USP4: variants seen among roughly 807,000 people sequenced by gnomAD.
The protein encoded by USP4 is ubiquitin specific peptidase 4.
Under a neutral mutation model 118.2 loss-of-function variants are expected in USP4, and 72 were observed. The observed-to-expected ratio is 0.61, with a 90% CI of 0.50 to 0.74. USP4 has a LOEUF of 0.74. Ranked by LOEUF, USP4 falls within the 30% of genes least tolerant of loss-of-function variation. The probability of loss-of-function intolerance (pLI) is 0.00; values close to 1 mark genes in which losing one functional copy is unlikely to be tolerated. For synonymous variants in USP4, 415 were observed against 440.4 expected (o/e 0.94, Z 0.72); for missense variants, 1,037 against 1,185.7 (o/e 0.87, Z 1.84).
At chr3:49,316,927 C>CT (rs2047442626) in intron 6 of USP4, 1 of 616,750 alleles carries the variant, frequency 1.6e-6, no homozygotes, top group Non-Finnish European at 2.9e-6. Flanking sequence ...GTGCCCCGGG[C>CT]TTGTCACTGA....
At chr3:49,305,674 A>G (rs750578460) in intron 9 of USP4, 41 bp downstream of exon 9, 1 of 1,506,906 alleles carries the variant, frequency 6.6e-7, no homozygotes, top group Non-Finnish European at 8.9e-7. Flanking sequence ...AGGCATCTAT[A>G]TACAGGGATA....
chr3:49,329,911 G>A (rs1254628100), intron 2 of USP4, among the ~76,000 whole-genome samples: 6 of 152,004 alleles, frequency 3.9e-5, no homozygotes, highest in African/African-American at 9.7e-5. Flanking sequence ...AGGCTGAGGC[G>A]GGAGGATCAC....
chr3:49,278,741 A>T (rs1323044206), intron 21 of USP4, 73 bp downstream of exon 21: 4 of 1,202,520 alleles, frequency 3.3e-6, no homozygotes, highest in Non-Finnish European at 3.6e-6. Context: ...ATAACCAACT[A>T]GCCTGATAGA....
chr3:49,289,713 A>G (rs2047132268), intron 15 of USP4, among the ~76,000 whole-genome samples: 1 of 151,904 alleles, frequency 6.6e-6, no homozygotes, highest in Non-Finnish European at 1.5e-5. Flanking sequence ...TCTACTAAAA[A>G]TACAAAAATT....
At chr3:49,322,753 C>T (rs544269995) in intron 6 of USP4, among the ~76,000 whole-genome samples, 2 of 123,622 alleles carry the variant, frequency 1.6e-5, no homozygotes, top group African/African-American at 3.2e-5. Context: ...CCCAGCTGCT[C>T]GGGAGGCTGA....
chr3:49,330,229 C>G lies in USP4; in HGVS notation c.230-2413G>C, dbSNP rs577394225. 3.2e-4 allele frequency among the ~76,000 whole-genome samples: 49 copies of G among 152,246 alleles called. No homozygotes were observed. In the East Asian group the frequency reaches 3.5e-3, roughly 11 times the overall value. On this transcript the variant is annotated intron_variant, in intron 2 of 21. Transcript: ENST00000265560. ...AAAGTTGAAATTACTTCTTGACTCA[C>G]AGGCTGCAGAACGGATGTTTTTAGT...
At chr3:49,309,249 A>C (rs1466230245) in intron 8 of USP4, among the ~76,000 whole-genome samples, 5 of 152,050 alleles carry the variant, frequency 3.3e-5, no homozygotes, top group African/African-American at 1.2e-4. Flanking sequence ...ACCAAAACTA[A>C]GGGTGGTCTT....
At chr3:49,287,651 T>G (rs1048702425) in intron 15 of USP4, among the ~76,000 whole-genome samples, 5 of 152,146 alleles carry the variant, frequency 3.3e-5, no homozygotes, top group African/African-American at 1.2e-4. Context: ...TTTTGTATTT[T>G]TAGTAGAGAC....
At position 49,325,848 on chromosome 3, in the gene USP4, A is replaced by C. The variant is rs1231780856; in HGVS notation, c.361-3T>G. 1 of 1,613,270 alleles carries C rather than the reference A, an allele frequency of 6.2e-7. No homozygotes were observed. Among genetic ancestry groups the C allele is most frequent in the Admixed American group, 1.7e-5 (1 of 60,000 alleles). On this transcript the variant is annotated splice_polypyrimidine_tract_variant and splice_region_variant and intron_variant, in intron 3 of 21. Transcript: ENST00000265560. ...ACAAACAGGCCATGCTCCACAACCT[A>C]TGAACAAGAGGCAGGGGTGAGGGCA...
intron 20 of USP4, among the ~76,000 whole-genome samples, chr3:49,280,167 G>A (rs2047003120): frequency 6.6e-6 from 1 of 152,034 alleles, no homozygotes; most frequent in African/African-American, 2.4e-5. Flanking sequence ...GCAGGCTGAG[G>A]CACGAGAATC....
chr3:49,329,486 G>A (rs1358257410), intron 2 of USP4, among the ~76,000 whole-genome samples: 1 of 152,022 alleles, frequency 6.6e-6, no homozygotes, highest in African/African-American at 2.4e-5. Context: ...CTGCAGCTTC[G>A]ACCTCCCAGA....
At chr3:49,323,570 A>G (rs1383579325) in intron 6 of USP4, among the ~76,000 whole-genome samples, 1 of 152,126 alleles carries the variant, frequency 6.6e-6, no homozygotes, top group African/African-American at 2.4e-5. Context: ...CAGCTATTTT[A>G]TTTATCTTGT....
In USP4 at chr3:49,300,507, A is replaced by ACCTC; in HGVS notation, c.1468_1471dup (p.Val491GlyfsTer8). 6.2e-7 allele frequency: 1 copy of ACCTC among 1,613,914 alleles called. No individual in the cohort carries two copies. Among genetic ancestry groups the ACCTC allele is most frequent in the Non-Finnish European group, 8.5e-7 (1 of 1,179,988 alleles). On this transcript the variant is annotated frameshift_variant, in exon 11 of 22. Coordinates refer to ENST00000265560, the MANE Select transcript of USP4 (RefSeq NM_003363.4). LOFTEE classifies it high-confidence loss of function. ...GTGAGGGTCAGCAGGAACCAGGAAA[A>ACCTC]CCTCCATAACTCGATCTTTCTTCAA...
intron 4 of USP4, 21 bp from the exon 5 acceptor site, chr3:49,325,060 C>T: frequency 6.2e-7 from 1 of 1,608,516 alleles, no homozygotes; most frequent in Non-Finnish European, 8.5e-7. Flanking sequence ...GCAGAAATAT[C>T]ACTTGGGGCT....
rs778948163 is a variant in USP4, at chr3:49,327,697, T to C, written c.349A>G (p.Ile117Val). ...WYGCVEGQQPIVRKVVEHGLF... is the reference protein window; with the variant it reads ...WYGCVEGQQPVVRKVVEHGLF... ...TTCACATAACTCACTTTTCTGACGA[T>C]GGGTTGCTGGCCTTCTACACAGCCG... is the stretch of plus-strand genomic sequence containing the variant. Residue 117 changes from isoleucine (I) to valine (V), a missense_variant, in exon 3 of 22, where the codon ATC becomes GTC. Ile to Val is a conservative substitution (Grantham distance 29). Transcript: ENST00000265560. 2.5e-6 allele frequency: 4 copies of C among 1,614,014 alleles called. No homozygotes were observed. The African/African-American group carries it at 4.0e-5, about 16-fold the overall frequency.
rs182482029 is a variant in USP4 at position 49,315,068 on chromosome 3, C to T, written c.696-3414G>A. Reference sequence around the variant, plus strand: ...ACCAAATTAAGGGCATATAAGGATACTTTTTATATGCTTGAAAATTAACAC... The same window carrying T: ...ACCAAATTAAGGGCATATAAGGATATTTTTTATATGCTTGAAAATTAACAC... On this transcript the variant is annotated intron_variant, in intron 6 of 21. Transcript: ENST00000265560. Among the ~76,000 whole-genome samples, 418 of 151,320 alleles carry T rather than the reference C, an allele frequency of 2.8e-3. 3 individuals are homozygous for T. Among genetic ancestry groups the T allele is most frequent in the African/African-American group, 9.4e-3 (387 of 41,264 alleles).
At chr3:49,310,509 A>AC (rs2047372361) in intron 8 of USP4, 111 bp downstream of exon 8, 1 of 899,526 alleles carries the variant, frequency 1.1e-6, no homozygotes, top group South Asian at 1.4e-5. Flanking sequence ...TGAAGCACCA[A>AC]CAAGGGGTAG....
chr3:49,289,440 G>C (rs1027748661), intron 15 of USP4, among the ~76,000 whole-genome samples: 1 of 152,200 alleles, frequency 6.6e-6, no homozygotes, highest in Non-Finnish European at 1.5e-5. Flanking sequence ...TTAGCTTCCA[G>C]AGTACCACAG....
intron 15 of USP4, among the ~76,000 whole-genome samples, chr3:49,286,990 C>T (rs1471981470): frequency 1.3e-5 from 2 of 152,100 alleles, no homozygotes; most frequent in Non-Finnish European, 2.9e-5. Flanking sequence ...GCAGGGATTA[C>T]AGGTGTGCGC....
Sources: allele counts gnomAD v4.1 joint callset (sites outside exome capture counted in the v4.1 genomes callset), GRCh38; gene constraint gnomAD v4.1.1; transcripts MANE v1.5; gene names NCBI Gene and HGNC (gene_info 2026-07-23, HGNC 2026-07-21).